Variants in ADCY2 observed in about 807,000 individuals in gnomAD.
ADCY2 encodes the protein adenylate cyclase type 2.
In ADCY2, 31 loss-of-function variants were observed where a neutral mutation model predicts 125.2. The ratio of observed to expected loss-of-function variants is 0.25; its 90% confidence interval spans 0.19 to 0.33. ADCY2 has a LOEUF of 0.33. ADCY2 is among the 10% of genes least tolerant of loss of function. The pLI is 1.00. For missense variants in ADCY2, 904 were observed against 1,418.2 expected (o/e 0.64, Z 5.82); for synonymous variants, 512 against 548.4 (o/e 0.93, Z 0.93).
At chr5:7,432,374 G>T (rs536777600) in intron 2 of ADCY2, among the ~76,000 whole-genome samples, 96 of 152,308 alleles carry the variant, frequency 6.3e-4, no homozygotes, top group Non-Finnish European at 1.2e-3. Context: ...GTCCGCAGAT[G>T]ACAAAGCTAA....
At position 7,557,196 on chromosome 5, in the gene ADCY2, T is replaced by TATAGATATATATATATATATATAG. The variant is rs1554019466; in HGVS notation, c.570+36300_570+36301insGATATATATATATATATATAGATA. 4.7e-5 allele frequency among the ~76,000 whole-genome samples: 7 copies of TATAGATATATATATATATATATAG among 148,622 alleles called. 1 individual carries two copies. Among genetic ancestry groups the TATAGATATATATATATATATATAG allele is most frequent in the Non-Finnish European group, 8.9e-5 (6 of 67,244 alleles). ...AATCACACATATTATATATGTGATA[T>TATAGATATATATATATATATATAG]ATATAACTCAAGTGAGTGTATCTAA... On this transcript the variant is annotated intron_variant, in intron 3 of 24. Coordinates refer to ENST00000338316, the MANE Select transcript of ADCY2 (RefSeq NM_020546.3).
intron 3 of ADCY2, among the ~76,000 whole-genome samples, chr5:7,562,008 A>G (rs1270472573): frequency 6.6e-6 from 1 of 152,178 alleles, no homozygotes; most frequent in African/African-American, 2.4e-5. Context: ...CGTAGTATGT[A>G]TGTAGGCCTT....
chr5:7,769,592 T>C (rs910280165), intron 17 of ADCY2, among the ~76,000 whole-genome samples: 8 of 152,234 alleles, frequency 5.3e-5, no homozygotes, highest in Non-Finnish European at 1.2e-4. Flanking sequence ...TTTTAACATC[T>C]GGTGTATTAT....
intron 1 of ADCY2, among the ~76,000 whole-genome samples, chr5:7,401,148 A>G (rs909418187): frequency 4.6e-5 from 7 of 152,210 alleles, no homozygotes; most frequent in African/African-American, 1.7e-4. Context: ...GTCCTCAATT[A>G]GTACATGCAA....
intron 2 of ADCY2, among the ~76,000 whole-genome samples, chr5:7,458,090 G>T (rs948456064): frequency 1.1e-4 from 16 of 152,262 alleles, no homozygotes; most frequent in African/African-American, 3.6e-4. Flanking sequence ...CAGGGATACT[G>T]GGGGAATGGT....
intron 2 of ADCY2, among the ~76,000 whole-genome samples, chr5:7,464,428 C>A (rs769645552): frequency 7.2e-5 from 11 of 152,184 alleles, no homozygotes; most frequent in Non-Finnish European, 1.5e-4. Flanking sequence ...GTCAGAGTGC[C>A]ATCTACTGAC....
chr5:7,701,834 G>A (rs1458865075), intron 7 of ADCY2, among the ~76,000 whole-genome samples: 1 of 152,126 alleles, frequency 6.6e-6, no homozygotes, highest in Non-Finnish European at 1.5e-5. Flanking sequence ...ACCTTTTGAT[G>A]CTTTTAGTGT....
rs147027503 is a variant in ADCY2 at position 7,472,229 on chromosome 5, C to T, written c.409-48509C>T. Among the ~76,000 whole-genome samples the T allele has an allele frequency of 5.5e-3, 835 of 152,158 alleles. 10 individuals carry two copies. The highest frequency in any genetic ancestry group is 0.019 in the Admixed American group (286 of 15,282). ...TTTGTTTTTCTCTGGCTTTCTTTTCCTTGTGCTCACATAAGATTAATTTGA... is the reference window on the plus strand; with the variant it reads ...TTTGTTTTTCTCTGGCTTTCTTTTCTTTGTGCTCACATAAGATTAATTTGA... On this transcript the variant is annotated intron_variant, in intron 2 of 24. Transcript: ENST00000338316.
rs1741874099 is a variant in ADCY2 at position 7,724,545 on chromosome 5, G to A, written c.1704G>A (p.Lys568=). The A allele has an allele frequency of 1.2e-6, 2 of 1,608,190 alleles. No individual in the cohort carries two copies. Among genetic ancestry groups the A allele is most frequent in the Admixed American group, 1.7e-5 (1 of 59,256 alleles). Residue 568 remains lysine, a splice_region_variant and synonymous_variant, in exon 13 of 25, where the codon AAG becomes AAA. Coordinates refer to ENST00000338316, the MANE Select transcript of ADCY2 (RefSeq NM_020546.3). ...IQAIDGINAQ[K]QWLKSEDIQR... ...ATGTGTTGGCCCTTTCTATTTCCAG[G>A]CAATGGCTCAAGTCTGAAGACATTC...
intron 4 of ADCY2, among the ~76,000 whole-genome samples, chr5:7,688,558 C>T (rs1245556557): frequency 5.3e-5 from 8 of 152,080 alleles, no homozygotes; most frequent in African/African-American, 1.9e-4. Context: ...TATCAGCTAC[C>T]GTGCCTGACC....
chr5:7,411,966 T>C (rs888969349), intron 1 of ADCY2, among the ~76,000 whole-genome samples: 8 of 151,720 alleles, frequency 5.3e-5, no homozygotes, highest in Non-Finnish European at 7.4e-5. Flanking sequence ...TCCCAGCTAC[T>C]TGGGAGGCTG....
intron 22 of ADCY2, among the ~76,000 whole-genome samples, chr5:7,808,769 T>C (rs139614931): frequency 7.2e-4 from 109 of 152,306 alleles, no homozygotes; most frequent in African/African-American, 2.5e-3. Flanking sequence ...ATCCTATTCA[T>C]TCATCGCTGC....
intron 3 of ADCY2, among the ~76,000 whole-genome samples, chr5:7,621,539 G>A (rs1302376364): frequency 6.6e-6 from 1 of 152,160 alleles, no homozygotes; most frequent in Non-Finnish European, 1.5e-5. Flanking sequence ...CTCCTGGCCT[G>A]GGGACAGCCC....
intron 23 of ADCY2, 70 bp downstream of exon 23, chr5:7,817,050 T>C: frequency 8.5e-7 from 1 of 1,170,882 alleles, no homozygotes; most frequent in African/African-American, 1.5e-5. Flanking sequence ...AGTCAGGAGA[T>C]ATTGATGATC....
At chr5:7,408,617 C>A (rs563915123) in intron 1 of ADCY2, among the ~76,000 whole-genome samples, 1 of 151,992 alleles carries the variant, frequency 6.6e-6, no homozygotes, top group Non-Finnish European at 1.5e-5. Context: ...ATCTACCCAC[C>A]GCAGCCTCTC....
At chr5:7,808,916 C>G (rs967922995) in intron 22 of ADCY2, among the ~76,000 whole-genome samples, 1 of 152,228 alleles carries the variant, frequency 6.6e-6, no homozygotes, top group Non-Finnish European at 1.5e-5. Context: ...TAACACATGA[C>G]TGTTTTCAGG....
chr5:7,736,847 C>T (rs748159972), intron 14 of ADCY2, among the ~76,000 whole-genome samples: 1 of 152,138 alleles, frequency 6.6e-6, no homozygotes, highest in East Asian at 1.9e-4. Context: ...TAGATTAACA[C>T]ATAATTGTCT....
intron 2 of ADCY2, among the ~76,000 whole-genome samples, chr5:7,426,783 C>A (rs146524550): frequency 1.2e-4 from 18 of 152,236 alleles, no homozygotes; most frequent in African/African-American, 3.1e-4. Flanking sequence ...GCACTGGCTT[C>A]CACCCTCTGT....
At chr5:7,637,850 C>T (rs2126670506) in intron 4 of ADCY2, among the ~76,000 whole-genome samples, 1 of 152,324 alleles carries the variant, frequency 6.6e-6, no homozygotes, top group African/African-American at 2.4e-5. Flanking sequence ...GGAAGAACTG[C>T]TATCCAGAGC....
Sources: allele counts gnomAD v4.1 joint callset (sites outside exome capture counted in the v4.1 genomes callset), GRCh38; gene constraint gnomAD v4.1.1; transcripts MANE v1.5; gene names NCBI Gene and HGNC (gene_info 2026-07-23, HGNC 2026-07-21).